The following KCNMB2 variants were observed in gnomAD, a reference collection of about 807,000 sequenced individuals.
KCNMB2 encodes potassium calcium-activated channel subfamily M regulatory beta subunit 2.
KCNMB2 carries 9 observed loss-of-function variants against 24.5 expected under a neutral mutation model. The observed-to-expected ratio is 0.37, with a 90% CI of 0.22 to 0.64. KCNMB2 has a LOEUF of 0.64. Ranked by LOEUF, KCNMB2 falls within the 30% of genes least tolerant of loss-of-function variation. KCNMB2 has a pLI of 0.63. For missense variants in KCNMB2, 226 were observed against 284.3 expected (o/e 0.79, Z 1.47); for synonymous variants, 109 against 104.4 (o/e 1.04, Z -0.27).
intron 4 of KCNMB2, among the ~76,000 whole-genome samples, chr3:178,833,785 A>G (rs9877109): frequency 0.077 from 11,703 of 152,134 alleles, 564 homozygotes; most frequent in African/African-American, 0.13. Flanking sequence ...TTTAGCCTTT[A>G]AACCCAGTGC....
At chr3:178,632,811 C>T (rs1719369422) in intron 1 of KCNMB2, among the ~76,000 whole-genome samples, 1 of 152,186 alleles carries the variant, frequency 6.6e-6, no homozygotes, top group East Asian at 1.9e-4. Flanking sequence ...AAAGTCTCAT[C>T]TGAGACAAGG....
chr3:178,690,734 A>C, intron 1 of KCNMB2, among the ~76,000 whole-genome samples: 1 of 152,224 alleles, frequency 6.6e-6, no homozygotes, highest in East Asian at 1.9e-4. Flanking sequence ...AAATCAATGC[A>C]GTCAGATTCA....
chr3:178,588,951 A>C lies in KCNMB2; in HGVS notation c.-68+52240A>C, dbSNP rs551426059. Among the ~76,000 whole-genome samples the C allele has an allele frequency of 2.0e-5, 3 of 152,366 alleles. No homozygotes were observed. The South Asian group carries it at 6.2e-4, about 32-fold the overall frequency. ...AGTGCTCAACAGCTAATGACTGTTC[A>C]GGTCACACAGCTATTAAGTGGTTTA... is the stretch of plus-strand genomic sequence containing the variant. On this transcript the variant is annotated intron_variant, in intron 1 of 4. Transcript: ENST00000452583.
At chr3:178,651,567 C>T (rs1169498409) in intron 1 of KCNMB2, among the ~76,000 whole-genome samples, 1 of 152,184 alleles carries the variant, frequency 6.6e-6, no homozygotes, top group African/African-American at 2.4e-5. Context: ...TAGAAAAAAA[C>T]TGCTTTAAAG....
intron 1 of KCNMB2, among the ~76,000 whole-genome samples, chr3:178,630,377 G>A (rs773917536): frequency 6.6e-6 from 1 of 152,162 alleles, no homozygotes; most frequent in Non-Finnish European, 1.5e-5. Flanking sequence ...TCCTCCCAAC[G>A]GGACTGCCAC....
intron 1 of KCNMB2, among the ~76,000 whole-genome samples, chr3:178,682,443 C>A (rs1721302980): frequency 6.6e-6 from 1 of 152,044 alleles, no homozygotes; most frequent in Non-Finnish European, 1.5e-5. Context: ...CCTATTTACT[C>A]AAATCTTCTA....
intron 1 of KCNMB2, among the ~76,000 whole-genome samples, chr3:178,635,408 T>TACACACACAC (rs58294929): frequency 0.035 from 5,061 of 144,898 alleles, 94 homozygotes; most frequent in Admixed American, 0.044. Context: ...TGCTTATGCA[T>TACACACACAC]ACACACACAC....
intron 1 of KCNMB2, among the ~76,000 whole-genome samples, chr3:178,741,467 T>G (rs901173557): frequency 6.6e-6 from 1 of 152,198 alleles, no homozygotes; most frequent in African/African-American, 2.4e-5. Flanking sequence ...CTTACCTCCA[T>G]CACATTTATC....
rs867768704 is a variant in KCNMB2, at chr3:178,559,957, T to C, written c.-68+23246T>C. The stretch of plus-strand genomic sequence containing the variant: ...ATATAAAATATATAATACAAATATG[T>C]ATAAAATATATATTAAAACAATATA... On this transcript the variant is annotated intron_variant, in intron 1 of 4. Transcript: ENST00000452583. Among the ~76,000 whole-genome samples the C allele has an allele frequency of 1.7e-3, 255 of 147,678 alleles. No homozygotes were observed. In the Middle Eastern group the frequency reaches 0.018, roughly 10 times the overall value.
chr3:178,583,781 G>C (rs1006811807), intron 1 of KCNMB2, among the ~76,000 whole-genome samples: 2 of 152,160 alleles, frequency 1.3e-5, no homozygotes, highest in Non-Finnish European at 2.9e-5. Context: ...AATGTACTCA[G>C]AAATGCTAAG....
intron 1 of KCNMB2, among the ~76,000 whole-genome samples, chr3:178,691,720 G>A (rs191051907): frequency 0.012 from 1,894 of 152,176 alleles, 35 homozygotes; most frequent in African/African-American, 0.044. Context: ...ATGAACATAC[G>A]CATGCATGTG....
intron 1 of KCNMB2, among the ~76,000 whole-genome samples, chr3:178,758,234 C>A (rs1375982817): frequency 1.1e-3 from 7 of 6,190 alleles, no homozygotes; most frequent in Non-Finnish European, 1.9e-3. Context: ...ATATATATAT[C>A]CAAGGGGATA....
chr3:178,807,461 A>G lies in KCNMB2; in HGVS notation c.52A>G (p.Lys18Glu), dbSNP rs1300348609. ...RTSSSYRHDEKRNIYQKIRDH... is the reference protein window; with the variant it reads ...RTSSSYRHDEERNIYQKIRDH... The stretch of plus-strand genomic sequence containing the variant: ...CTCTTCATCTTATAGACATGATGAA[A>G]AAAGGTAAATGCACTGGGATTCTGG... The change falls in exon 2 of 5, where the codon AAA becomes GAA. Residue 18 changes from lysine to glutamate, a missense_variant. Lys to Glu is a moderately conservative substitution (Grantham distance 56). Coordinates refer to ENST00000452583, the MANE Select transcript of KCNMB2 (RefSeq NM_181361.3). 1.9e-6 allele frequency: 3 copies of G among 1,613,268 alleles called. No homozygotes were observed. The highest frequency in any genetic ancestry group is 1.7e-5 in the Admixed American group (1 of 59,996).
intron 1 of KCNMB2, among the ~76,000 whole-genome samples, chr3:178,792,938 G>A (rs1447307610): frequency 6.6e-6 from 1 of 152,204 alleles, no homozygotes; most frequent in Admixed American, 6.5e-5. Context: ...GGCAGGCTCA[G>A]CTCCCACCCA....
intron 1 of KCNMB2, among the ~76,000 whole-genome samples, chr3:178,716,238 T>C (rs931916928): frequency 5.3e-5 from 8 of 152,206 alleles, no homozygotes; most frequent in Non-Finnish European, 1.2e-4. Context: ...ATAACATTGA[T>C]AGTATCAAAT....
chr3:178,747,487 C>T (rs945810988), intron 1 of KCNMB2, among the ~76,000 whole-genome samples: 3 of 152,190 alleles, frequency 2.0e-5, no homozygotes, highest in African/African-American at 7.2e-5. Context: ...AAAATCCTCA[C>T]AACAATCTTA....
At chr3:178,841,944 G>T (rs1369296690) in intron 4 of KCNMB2, among the ~76,000 whole-genome samples, 1 of 152,162 alleles carries the variant, frequency 6.6e-6, no homozygotes, top group Non-Finnish European at 1.5e-5. Flanking sequence ...GGTGATTAAA[G>T]AACTGTTTTA....
chr3:178,609,754 AC>A (rs1718413903), intron 1 of KCNMB2, among the ~76,000 whole-genome samples: 1 of 150,186 alleles, frequency 6.7e-6, no homozygotes, highest in African/African-American at 2.5e-5. Context: ...CTCCCACCTC[AC>A]CCCCATGAGT....
intron 2 of KCNMB2, among the ~76,000 whole-genome samples, chr3:178,815,685 T>G (rs1714378733): frequency 6.6e-6 from 1 of 152,160 alleles, no homozygotes; most frequent in African/African-American, 2.4e-5. Context: ...ATACCATTTA[T>G]CATATTAAGG....
Sources: gnomAD v4.1 joint callset for allele counts (sites outside exome capture counted in the v4.1 genomes callset) on GRCh38, gnomAD v4.1.1 for gene constraint, MANE v1.5 for transcripts, NCBI Gene and HGNC (gene_info 2026-07-23, HGNC 2026-07-21) for gene names.